Variants in MUC20 observed in about 807,000 individuals in gnomAD.
MUC20 encodes the protein mucin-20.
MUC20 carries 14 observed loss-of-function variants against 23.8 expected under a neutral mutation model. The ratio of observed to expected loss-of-function variants is 0.59; its 90% confidence interval spans 0.39 to 0.92. The LOEUF is 0.92. MUC20 is among the 40% of genes least tolerant of loss of function. The pLI is 0.00. For missense variants in MUC20, 375 were observed against 668.8 expected (o/e 0.56, Z 4.85); for synonymous variants, 166 against 279.3 (o/e 0.59, Z 4.04).
rs781067610 is a variant in MUC20, at chr3:195,729,667, C to T, written c.1989C>T (p.Leu663=). The T allele has an allele frequency of 1.1e-5, 17 of 1,588,692 alleles. No individual in the cohort carries two copies. In the South Asian group the frequency reaches 1.4e-4, roughly 13 times the overall value. Residue 663 remains leucine, a synonymous_variant, in exon 3 of 4, where the codon CTC becomes CTT. Coordinates refer to ENST00000447234, the MANE Select transcript of MUC20 (RefSeq NM_001282506.2). ...DVSAGENGGF[L]LLRLSVASPE... is the part of the protein sequence containing the mutation. ...TTGCAGGTGAAAATGGAGGTTTCCT[C>T]CTCCTGCGGCTGAGTGTGGCTTCCC...
At chr3:195,729,567 C>T (rs998099079) in intron 2 of MUC20, 81 bp from the exon 3 acceptor site, 1 of 1,339,190 alleles carries the variant, frequency 7.5e-7, no homozygotes, top group Admixed American at 2.0e-5. Flanking sequence ...CCACCTGCCT[C>T]TGCCTCCCAA....
At chr3:195,723,494 T>A (rs1320891233) in intron 1 of MUC20, among the ~76,000 whole-genome samples, 3 of 116,190 alleles carry the variant, frequency 2.6e-5, no homozygotes, top group Non-Finnish European at 5.4e-5. Flanking sequence ...GATTACCAGA[T>A]AAAACACAGG....
rs1560189916 is a variant in MUC20 at position 195,733,281 on chromosome 3, G to A, written c.*63G>A. On this transcript the variant is annotated 3_prime_UTR_variant, in exon 4 of 4. Coordinates refer to ENST00000447234, the MANE Select transcript of MUC20 (RefSeq NM_001282506.2). ...AAAGAGGGTGCTGCCCCTAGCCTGG[G>A]CCCCCACCGACAGACTGCAGCTGCG... is the stretch of plus-strand genomic sequence containing the variant. The A allele has an allele frequency of 6.4e-7, 1 of 1,554,040 alleles. No homozygotes were observed. The highest frequency in any genetic ancestry group is 8.7e-7 in the Non-Finnish European group (1 of 1,148,558).
chr3:195,722,214 A>C, intron 1 of MUC20: 1 of 597,772 alleles, frequency 1.7e-6, no homozygotes, highest in Non-Finnish European at 2.1e-6. Context: ...CCCTGTTTTT[A>C]CCACCCCCCA....
Position 195,726,499 on chromosome 3 carries a change from G to A in MUC20, c.1896G>A (p.Ala632=), listed in dbSNP as rs374691440. The change falls in exon 2 of 4, where the codon GCG becomes GCA. Residue 632 remains alanine, a synonymous_variant. Coordinates refer to ENST00000447234, the MANE Select transcript of MUC20 (RefSeq NM_001282506.2). ...CCTTAGCCAAGATCACAACCTCAGC[G>A]AAGACCACGATGAAGCCCCCAACAG... ...NSTLAKITTS[A]KTTMKPPTAT... is the part of the protein sequence containing the mutation. 1.8e-4 allele frequency: 289 copies of A among 1,614,046 alleles called. No homozygotes were observed. In the African/African-American group the frequency reaches 3.2e-3, roughly 18 times the overall value.
intron 2 of MUC20, among the ~76,000 whole-genome samples, chr3:195,727,116 C>T (rs1485406042): frequency 6.6e-6 from 1 of 152,288 alleles, no homozygotes; most frequent in Non-Finnish European, 1.5e-5. Flanking sequence ...TAAATTAATA[C>T]AGGCCTGGAG....
At chr3:195,728,665 AG>A (rs1328251693) in intron 2 of MUC20, among the ~76,000 whole-genome samples, 1 of 152,018 alleles carries the variant, frequency 6.6e-6, no homozygotes, top group Admixed American at 6.5e-5. Flanking sequence ...AATCCACCTC[AG>A]CACAGACCCT....
intron 2 of MUC20, among the ~76,000 whole-genome samples, chr3:195,726,848 G>A (rs1391080492): frequency 1.3e-5 from 2 of 152,274 alleles, no homozygotes; most frequent in Non-Finnish European, 2.9e-5. Context: ...GCAAGTCCCT[G>A]TCCCTCTCTG....
intron 2 of MUC20, among the ~76,000 whole-genome samples, chr3:195,728,685 G>A (rs1445289425): frequency 6.6e-6 from 1 of 152,086 alleles, no homozygotes; most frequent in Non-Finnish European, 1.5e-5. Context: ...CTTTACGGGT[G>A]TCAGCCTGGG....
chr3:195,727,174 C>A (rs1056808679), intron 2 of MUC20, among the ~76,000 whole-genome samples: 1 of 152,256 alleles, frequency 6.6e-6, no homozygotes, highest in Non-Finnish European at 1.5e-5. Context: ...CAGAGGCCGG[C>A]GGATCACCTG....
chr3:195,730,516 T>G (rs1190624279), intron 3 of MUC20, among the ~76,000 whole-genome samples: 1 of 147,420 alleles, frequency 6.8e-6, no homozygotes, highest in Non-Finnish European at 1.5e-5. Context: ...CAACTAATTT[T>G]TATGTTTTTT....
chr3:195,732,082 C>A (rs1309933898), intron 3 of MUC20, among the ~76,000 whole-genome samples: 5 of 152,256 alleles, frequency 3.3e-5, no homozygotes, highest in Admixed American at 3.3e-4. Flanking sequence ...TGGCTCACCA[C>A]AACCTCCGCC....
intron 3 of MUC20, among the ~76,000 whole-genome samples, chr3:195,731,748 T>C (rs1713407070): frequency 6.6e-6 from 1 of 152,268 alleles, no homozygotes; most frequent in African/African-American, 2.4e-5. Flanking sequence ...TTAGCCCTTG[T>C]ACTCCCATGA....
In MUC20 at chr3:195,726,538, T is replaced by A; in HGVS notation, c.1935T>A (p.Thr645=). 2 of 1,613,950 alleles carry A rather than the reference T, an allele frequency of 1.2e-6. No individual in the cohort carries two copies. The part of the protein sequence containing the change: ...TMKPPTATPT[T]ARTRPTTDVS... The stretch of plus-strand genomic sequence containing the variant: ...AGCCCCCAACAGCCACGCCCACGAC[T>A]GCCCGGACGAGGCCGACCACAGACG... Residue 645 remains threonine, a synonymous_variant, in exon 2 of 4, where the codon ACT becomes ACA. Transcript: ENST00000447234.
chr3:195,729,760 C>T (rs1467324127), intron 3 of MUC20, 21 bp downstream of exon 3: 1 of 1,576,670 alleles, frequency 6.3e-7, no homozygotes, highest in South Asian at 1.2e-5. Flanking sequence ...ACTTTCCGGG[C>T]CAGGGGAGTA....
At chr3:195,727,757 G>C in intron 2 of MUC20, among the ~76,000 whole-genome samples, 1 of 152,372 alleles carries the variant, frequency 6.6e-6, no homozygotes, top group South Asian at 2.1e-4. Context: ...CACCAGCTTT[G>C]CATATGTTAT....
At chr3:195,729,380 G>A (rs1035415399) in intron 2 of MUC20, 19 of 383,838 alleles carry the variant, frequency 4.9e-5, no homozygotes, top group South Asian at 2.3e-4. Flanking sequence ...GTAGTGCTGC[G>A]ATCTCAGATC....
Position 195,729,834 on chromosome 3 carries a change from C to T in MUC20, c.2061+95C>T, listed in dbSNP as rs528240824. ...CCGCAGGACACAGAAGAGCAGCTAC[C>T]GCGCTTGGAAGGGAGTCTCGTTTCT... On this transcript the variant is annotated intron_variant, in intron 3 of 3. Transcript: ENST00000447234. 7.5e-5 allele frequency: 92 copies of T among 1,228,866 alleles called. No homozygotes were observed. The African/African-American group carries it at 1.0e-3, about 14-fold the overall frequency. 76.1% of individuals were successfully genotyped at this position (1,228,866 alleles called of 1,614,324 possible).
chr3:195,733,254 C>T lies in MUC20; in HGVS notation c.*36C>T. The stretch of plus-strand genomic sequence containing the variant: ...CTGCAGCCAGGCATGTCCCGTATGC[C>T]AAAAGAGGGTGCTGCCCCTAGCCTG... On this transcript the variant is annotated 3_prime_UTR_variant, in exon 4 of 4. Coordinates refer to ENST00000447234, the MANE Select transcript of MUC20 (RefSeq NM_001282506.2). 1 of 1,565,788 alleles carries T rather than the reference C, an allele frequency of 6.4e-7. No individual in the cohort carries two copies.
Sources: gnomAD v4.1 joint callset for allele counts (sites outside exome capture counted in the v4.1 genomes callset) on GRCh38, gnomAD v4.1.1 for gene constraint, MANE v1.5 for transcripts, NCBI Gene and HGNC (gene_info 2026-07-23, HGNC 2026-07-21) for gene names.